URGCP: variants seen among roughly 807,000 people sequenced by gnomAD.
URGCP encodes the protein upregulator of cell proliferation, also known as up-regulator of cell proliferation.
Under a neutral mutation model 24.6 loss-of-function variants are expected in URGCP, and 13 were observed. The ratio of observed to expected loss-of-function variants is 0.53; its 90% CI spans 0.34 to 0.84. URGCP has a LOEUF of 0.84. Ranked by LOEUF, URGCP falls within the 40% of genes least tolerant of loss-of-function variation. The probability of loss-of-function intolerance (pLI) is 0.01; values close to 1 mark genes in which losing one functional copy is unlikely to be tolerated. For missense variants in URGCP, 899 were observed against 1,194.3 expected, an observed-to-expected ratio of 0.75 and a Z score of 3.64; for synonymous variants, 444 against 487.2, an observed-to-expected ratio of 0.91 and a Z score of 1.17.
intron 1 of URGCP, among the ~76,000 whole-genome samples, chr7:43,896,511 T>G (rs1212536402): frequency 6.6e-6 from 1 of 151,520 alleles, no homozygotes; most frequent in Admixed American, 6.6e-5. Flanking sequence ...TGGGATCTGG[T>G]GCTCTGTAAT....
chr7:43,915,898 A>G (rs190395821), intron 1 of URGCP, among the ~76,000 whole-genome samples: 35 of 152,172 alleles, frequency 2.3e-4, no homozygotes, highest in African/African-American at 7.9e-4. Flanking sequence ...AATCTCAGCT[A>G]CTCGGGAGGC....
intron 2 of URGCP, 109 bp from the exon 3 acceptor site, chr7:43,887,594 C>T: frequency 6.7e-7 from 1 of 1,503,708 alleles, no homozygotes; most frequent in Non-Finnish European, 8.9e-7. Context: ...AACTATAAAC[C>T]CTGGGTCACA....
At chr7:43,881,511 A>G in intron 5 of URGCP, 148 bp downstream of exon 5, 1 of 917,500 alleles carries the variant, frequency 1.1e-6, no homozygotes, top group South Asian at 1.9e-5. Flanking sequence ...TATGGTTAAC[A>G]ATGTATAAAG....
intron 3 of URGCP, among the ~76,000 whole-genome samples, chr7:43,885,053 A>G (rs1176585538): frequency 1.3e-5 from 2 of 151,922 alleles, no homozygotes; most frequent in African/African-American, 2.4e-5. Flanking sequence ...CATGTTTGTG[A>G]ATATTTCTCA....
chr7:43,877,039 T>G lies in URGCP; in HGVS notation c.2424A>C (p.Lys808Asn). ...ACTGGTAGTTGGGCATGTGCCCCGT[T>G]TTTTCTAACCTCAGAAATGCATGCA... ...AILHAFLRLE[K>N]TGHMPNYQFV... The change falls in exon 6 of 6, where the codon AAA becomes AAC. Residue 808 changes from lysine (K) to asparagine (N), a missense_variant. Transcript: ENST00000453200. 6.2e-7 allele frequency: 1 copy of G among 1,614,230 alleles called. No individual in the cohort carries two copies. The highest frequency in any genetic ancestry group is 1.3e-5 in the African/African-American group (1 of 75,060).
intron 1 of URGCP, among the ~76,000 whole-genome samples, chr7:43,912,218 C>A (rs2095910784): frequency 6.6e-6 from 1 of 152,130 alleles, no homozygotes; most frequent in Non-Finnish European, 1.5e-5. Context: ...GTAATATGGG[C>A]CGGGCGTGGT....
chr7:43,917,124 A>T (rs1407027618), intron 1 of URGCP, among the ~76,000 whole-genome samples: 2 of 152,220 alleles, frequency 1.3e-5, no homozygotes, highest in African/African-American at 2.4e-5. Flanking sequence ...GAGGGAACTC[A>T]GAAGCCTGAC....
chr7:43,887,996 A>G, intron 1 of URGCP, 180 bp from the exon 2 acceptor site: 1 of 575,950 alleles, frequency 1.7e-6, no homozygotes, highest in Non-Finnish European at 3.1e-6. Context: ...ATGAGATATT[A>G]GGGAAAGCTG....
At chr7:43,879,498 A>T (rs2095850771) in intron 5 of URGCP, among the ~76,000 whole-genome samples, 1 of 152,246 alleles carries the variant, frequency 6.6e-6, no homozygotes, top group Non-Finnish European at 1.5e-5. Flanking sequence ...ATGTGACATT[A>T]AACAAAAGAA....
At chr7:43,926,653 G>T, upstream of URGCP, 3 of 1,327,646 alleles carry the variant, frequency 2.3e-6, no homozygotes, top group Non-Finnish European at 3.0e-6. Context: ...CGGAGGCTCC[G>T]CGAGTCGCGG....
chr7:43,885,705 C>G (rs941227189), intron 3 of URGCP, among the ~76,000 whole-genome samples: 1 of 152,108 alleles, frequency 6.6e-6, no homozygotes, highest in Admixed American at 6.5e-5. Context: ...AAGGCCATTC[C>G]CTCTCCTCGC....
At chr7:43,891,789 AT>A (rs899436660) in intron 1 of URGCP, among the ~76,000 whole-genome samples, 137 of 151,384 alleles carry the variant, frequency 9.0e-4, no homozygotes, top group Non-Finnish European at 1.4e-3. Context: ...TACTTTTTGT[AT>A]TTTTTTCCCC....
At position 43,877,361 on chromosome 7, in the gene URGCP, G is replaced by A. The variant is rs757599315; in HGVS notation, c.2102C>T (p.Pro701Leu). The A allele has an allele frequency of 2.5e-6, 4 of 1,612,628 alleles. No individual in the cohort carries two copies. The highest frequency in any genetic ancestry group is 3.4e-6 in the Non-Finnish European group (4 of 1,180,004). Residue 701 changes from proline (P) to leucine (L), a missense_variant, in exon 6 of 6, where the codon CCA becomes CTA. Physicochemically the swap from Pro to Leu is moderately conservative, Grantham distance 98. Transcript: ENST00000453200. ...RLVVLSTVGV[P>L]GTGKSTLLNT... ...GAGGAGTGTGGACTTGCCCGTGCCT[G>A]GCACCCCGACGGTTGACAGAACCAC...
rs527944447 is a variant in URGCP at position 43,921,475 on chromosome 7, A to C, written c.-116+4657T>G. Among the ~76,000 whole-genome samples, 7 of 152,362 alleles carry C rather than the reference A, an allele frequency of 4.6e-5. No homozygotes were observed. In the South Asian group the frequency reaches 1.4e-3, roughly 32 times the overall value. On this transcript the variant is annotated intron_variant, in intron 1 of 5. Coordinates refer to the URGCP transcript ENST00000426198. ...TCCTTGAGAAATAAAAACAGTCTTA[A>C]AGATTACTGGTAAAATGCAAATGTG...
intron 3 of URGCP, among the ~76,000 whole-genome samples, chr7:43,886,983 C>G (rs1466295216): frequency 6.6e-6 from 1 of 152,124 alleles, no homozygotes; most frequent in Admixed American, 6.5e-5. Context: ...GGGACAATCC[C>G]AATTTATACC....
At chr7:43,904,858 A>G (rs770467381) in intron 1 of URGCP, among the ~76,000 whole-genome samples, 2 of 152,226 alleles carry the variant, frequency 1.3e-5, no homozygotes, top group Non-Finnish European at 2.9e-5. Context: ...AGCATGTTAC[A>G]GTATGAATAC....
intron 1 of URGCP, among the ~76,000 whole-genome samples, chr7:43,924,026 C>T (rs949792778): frequency 6.6e-6 from 1 of 151,894 alleles, no homozygotes; most frequent in Admixed American, 6.6e-5. Flanking sequence ...CATGCCACCA[C>T]ACCTGGCTAA....
chr7:43,896,584 T>C (rs1170593213), intron 1 of URGCP, among the ~76,000 whole-genome samples: 3 of 151,902 alleles, frequency 2.0e-5, no homozygotes, highest in Non-Finnish European at 2.9e-5. Context: ...AACTAGAAGA[T>C]AAAAAAGTTA....
At chr7:43,923,281 CTTTT>C (rs374239475) in intron 1 of URGCP, among the ~76,000 whole-genome samples, 2 of 134,812 alleles carry the variant, frequency 1.5e-5, no homozygotes, top group African/African-American at 2.8e-5. Flanking sequence ...TGTGCCCAGC[CTTTT>C]TTTTTTTTTT....
Sources: gnomAD v4.1 joint callset for allele counts (sites outside exome capture counted in the v4.1 genomes callset) on GRCh38, gnomAD v4.1.1 for gene constraint, MANE v1.5 for transcripts, NCBI Gene and HGNC (gene_info 2026-07-23, HGNC 2026-07-21) for gene names.